Variants in MAP3K2 observed in about 807,000 individuals in gnomAD.
The protein encoded by MAP3K2 is MAP/ERK kinase kinase 2.
A neutral mutation model predicts 80.3 loss-of-function variants in MAP3K2; 24 were observed. The ratio of observed to expected loss-of-function variants is 0.30; its 90% CI spans 0.22 to 0.42. The LOEUF (loss-of-function observed/expected upper bound fraction) is 0.42. Among genes scored for constraint, MAP3K2 ranks in the 10% least tolerant of loss-of-function variants. The pLI is 1.00. For synonymous variants in MAP3K2, 244 were observed against 253.7 expected (o/e 0.96, Z 0.36); for missense variants, 608 against 750.1 (o/e 0.81, Z 2.21).
chr2:127,366,866 G>T (rs1197786205), intron 1 of MAP3K2, among the ~76,000 whole-genome samples: 10 of 85,124 alleles, frequency 1.2e-4, no homozygotes, highest in East Asian at 4.1e-4. Flanking sequence ...ACAGTCAAGG[G>T]TTTTTTTTTT....
At chr2:127,356,419 G>A (rs1686799579) in intron 1 of MAP3K2, among the ~76,000 whole-genome samples, 1 of 151,316 alleles carries the variant, frequency 6.6e-6, no homozygotes. Flanking sequence ...ATGGCATTAT[G>A]GCTAAAAACT....
rs745641460 is a variant in MAP3K2, at chr2:127,329,985, T to C, written c.402A>G (p.Pro134=). 3.1e-6 allele frequency: 5 copies of C among 1,609,102 alleles called. No homozygotes were observed. The highest frequency in any genetic ancestry group is 3.4e-6 in the Non-Finnish European group (4 of 1,175,956). The change falls in exon 7 of 17, where the codon CCA becomes CCG. Residue 134 remains proline, a synonymous_variant. Transcript: ENST00000682094. ...STQATNLEPL[P]SLEDLDNTVF... ...CTGTATTATCCAAATCTTCTAGTGA[T>C]GGCAATGGTTCTAAATTAGTAGCCT...
chr2:127,346,409 T>TAAA lies in MAP3K2; in HGVS notation c.-65-3216_-65-3215insTTT, dbSNP rs1223353072. Among the ~76,000 whole-genome samples, 15 of 85,354 alleles carry TAAA rather than the reference T, an allele frequency of 1.8e-4. 1 individual carries two copies. The highest frequency in any genetic ancestry group is 2.9e-4 in the African/African-American group (7 of 24,404). The allele number at this position is 85,354 out of a possible 152,430, so 56.0% of individuals were successfully genotyped here. On this transcript the variant is annotated intron_variant, in intron 1 of 16. Transcript: ENST00000682094. ...TTTACAGAATTTACAAAAACTGGTT[T>TAAA]TAAAAAAAAAAAAAAAAAAAAAAGA...
upstream of MAP3K2, chr2:127,388,128 C>G (rs1019516398): frequency 1.0e-6 from 1 of 984,894 alleles, no homozygotes. Context: ...CACAGGCCAC[C>G]GCCCCCACCG....
Position 127,318,293 on chromosome 2 carries a change from C to A in MAP3K2, c.1070G>T (p.Arg357Ile). 6.2e-7 allele frequency: 1 copy of A among 1,601,356 alleles called. No individual in the cohort carries two copies. Among genetic ancestry groups the A allele is most frequent in the Admixed American group, 1.8e-5 (1 of 57,106 alleles). ...TCCTTGGCCAAGCAGTTTGCCCAAT[C>A]TCCAGTTGGTCGGAGCTCGAGGTGC... is the stretch of plus-strand genomic sequence containing the variant. ...SRSPRAPTNW[R>I]LGKLLGQGAF... Residue 357 changes from arginine (R) to isoleucine (I), a missense_variant, in exon 13 of 17, where the codon AGA becomes ATA. This residue lies in a region of MAP3K2 where 467 missense variants were observed against 521.9 expected (regional missense o/e 0.89). Transcript: ENST00000682094.
intron 14 of MAP3K2, among the ~76,000 whole-genome samples, chr2:127,316,678 C>T (rs773216231): frequency 2.0e-4 from 30 of 152,258 alleles, no homozygotes; most frequent in Non-Finnish European, 3.2e-4. Flanking sequence ...GTCAATCATC[C>T]TCATCTAATG....
chr2:127,375,819 A>G (rs1342770041), intron 1 of MAP3K2, among the ~76,000 whole-genome samples: 1 of 152,142 alleles, frequency 6.6e-6, no homozygotes, highest in Non-Finnish European at 1.5e-5. Context: ...CTTGGCTGAG[A>G]GAGATTAACA....
chr2:127,325,661 C>G, intron 9 of MAP3K2, 67 bp downstream of exon 9: 1 of 1,297,090 alleles, frequency 7.7e-7, no homozygotes, highest in Middle Eastern at 1.8e-4. Flanking sequence ...GCGCTCCAGC[C>G]TGGGTGACAG....
chr2:127,343,603 T>TA (rs570498224), intron 1 of MAP3K2, among the ~76,000 whole-genome samples: 26 of 149,412 alleles, frequency 1.7e-4, no homozygotes, highest in Non-Finnish European at 2.1e-4. Context: ...TATGTTGGTT[T>TA]AAAAAAAAAA....
At chr2:127,367,848 G>C (rs1339479899) in intron 1 of MAP3K2, among the ~76,000 whole-genome samples, 1 of 152,158 alleles carries the variant, frequency 6.6e-6, no homozygotes, top group Non-Finnish European at 1.5e-5. Context: ...AAACTTTACA[G>C]TAATTAGAAA....
At chr2:127,319,832 T>C (rs1685982244) in intron 12 of MAP3K2, among the ~76,000 whole-genome samples, 5 of 140,418 alleles carry the variant, frequency 3.6e-5, no homozygotes, top group Non-Finnish European at 6.1e-5. Context: ...AGAGTGAAAC[T>C]CCATCTCAAA....
chr2:127,355,923 A>G (rs1449303180), intron 1 of MAP3K2, among the ~76,000 whole-genome samples: 2 of 152,156 alleles, frequency 1.3e-5, no homozygotes, highest in Non-Finnish European at 1.5e-5. Flanking sequence ...TGTCATTTCA[A>G]CAATGTTCGC....
At chr2:127,330,346 G>T in intron 6 of MAP3K2, 46 bp downstream of exon 6, 1 of 881,504 alleles carries the variant, frequency 1.1e-6, no homozygotes, top group Non-Finnish European at 1.8e-6. Flanking sequence ...ACTTTTACAA[G>T]CCTAAGTCCT....
chr2:127,320,257 A>G (rs914592546), intron 12 of MAP3K2, among the ~76,000 whole-genome samples: 6 of 152,246 alleles, frequency 3.9e-5, no homozygotes, highest in Non-Finnish European at 7.3e-5. Flanking sequence ...GGTAGACAAC[A>G]TGCATGAACA....
chr2:127,326,886 A>G (rs1686151603), intron 7 of MAP3K2, 69 bp from the exon 8 acceptor site: 8 of 914,306 alleles, frequency 8.7e-6, no homozygotes, highest in Non-Finnish European at 1.3e-5. Context: ...TAAATAGGCT[A>G]TATTTCTGAA....
Position 127,306,510 on chromosome 2 carries a change from T to C in MAP3K2, c.*1069A>G, listed in dbSNP as rs1685701657. On this transcript the variant is annotated 3_prime_UTR_variant, in exon 17 of 17. Coordinates refer to ENST00000682094, the MANE Select transcript of MAP3K2 (RefSeq NM_001371910.2). The surrounding 1 kb of genome is among the most constrained non-coding windows in gnomAD (Gnocchi z 4.7). ...TTTGAGGTGCTTTAGTATTCTGTGATCCTAAGAACAAGGGTTTCATCTCCT... is the reference window on the plus strand; with the variant it reads ...TTTGAGGTGCTTTAGTATTCTGTGACCCTAAGAACAAGGGTTTCATCTCCT... 1 of 152,162 alleles carries C rather than the reference T, an allele frequency of 6.6e-6. No homozygotes were observed. Among genetic ancestry groups the C allele is most frequent in the Non-Finnish European group, 1.5e-5 (1 of 68,028 alleles). The allele number at this position is 152,162 out of a possible 1,614,324, so 9.4% of individuals were successfully genotyped here.
At chr2:127,316,619 T>G (rs1487554294) in intron 14 of MAP3K2, among the ~76,000 whole-genome samples, 1 of 152,188 alleles carries the variant, frequency 6.6e-6, no homozygotes, top group African/African-American at 2.4e-5. Flanking sequence ...CTCATATTAC[T>G]TTCTGGTGTG....
intron 1 of MAP3K2, among the ~76,000 whole-genome samples, chr2:127,352,833 C>T (rs553327448): frequency 6.6e-6 from 1 of 152,080 alleles, no homozygotes; most frequent in African/African-American, 2.4e-5. Context: ...CGAGTGCCTG[C>T]GATTGCAGGT....
At chr2:127,388,339 C>G, upstream of MAP3K2, 14 of 985,400 alleles carry the variant, frequency 1.4e-5, no homozygotes, top group Non-Finnish European at 1.7e-5. Context: ...TGGACAGGGC[C>G]CAAGGGTAGC....
Sources: allele counts gnomAD v4.1 joint callset (sites outside exome capture counted in the v4.1 genomes callset), GRCh38; gene constraint gnomAD v4.1.1; regional missense constraint gnomAD v4.1.1; non-coding constraint Gnocchi (gnomAD v3.1); transcripts MANE v1.5; gene names NCBI Gene and HGNC (gene_info 2026-07-23, HGNC 2026-07-21).